NCAPD3: variants seen among roughly 807,000 people sequenced by gnomAD.
The protein encoded by NCAPD3 is non-SMC condensin II complex subunit D3.
Under a neutral mutation model 182.9 loss-of-function variants are expected in NCAPD3, and 105 were observed. That is an observed-to-expected ratio of 0.57 (90% CI 0.49 to 0.68). The LOEUF is 0.68. Ranked by LOEUF, NCAPD3 falls within the 30% of genes least tolerant of loss-of-function variation. NCAPD3 has a pLI of 0.00. For missense variants in NCAPD3, 1,944 were observed against 1,837.0 expected (o/e 1.06, Z -1.07); for synonymous variants, 815 against 679.9 (o/e 1.20, Z -3.09).
intron 13 of NCAPD3, 135 bp from the exon 14 acceptor site, chr11:134,194,873 G>T: frequency 1.9e-6 from 1 of 532,766 alleles, no homozygotes. Flanking sequence ...AGAAATGAGA[G>T]TGTGGAAAAA....
At chr11:134,183,151 G>A (rs753436087) in intron 19 of NCAPD3, 70 of 456,174 alleles carry the variant, frequency 1.5e-4, no homozygotes, top group Non-Finnish European at 2.3e-4. Context: ...TTTCCAACCA[G>A]TGCTGGTGAA....
intron 11 of NCAPD3, 106 bp downstream of exon 11, chr11:134,203,547 AT>A (rs1944791816): frequency 5.0e-6 from 7 of 1,393,386 alleles, no homozygotes; most frequent in Non-Finnish European, 6.8e-6. Context: ...GTAAAAATAG[AT>A]CATGCCATAC....
At chr11:134,163,721 AGTT>A (rs1381017116) in intron 27 of NCAPD3, among the ~76,000 whole-genome samples, 2 of 145,686 alleles carry the variant, frequency 1.4e-5, no homozygotes, top group Non-Finnish European at 3.0e-5. Context: ...AAAAAAAAAA[AGTT>A]AGCCAGGCAC....
intron 13 of NCAPD3, 74 bp downstream of exon 13, chr11:134,202,742 G>T: frequency 4.4e-6 from 5 of 1,143,398 alleles, no homozygotes; most frequent in South Asian, 1.6e-5. Context: ...AAAAATCCAA[G>T]GTTTTAGACT....
At chr11:134,156,318 G>A (rs958516920) in intron 32 of NCAPD3, among the ~76,000 whole-genome samples, 52 of 152,166 alleles carry the variant, frequency 3.4e-4, no homozygotes, top group African/African-American at 1.2e-3. Flanking sequence ...ACAGCCGGGC[G>A]CAGAGCGAGG....
At chr11:134,160,453 A>G (rs1370022854) in intron 28 of NCAPD3, among the ~76,000 whole-genome samples, 1 of 152,112 alleles carries the variant, frequency 6.6e-6, no homozygotes, top group East Asian at 1.9e-4. Flanking sequence ...CAATGGGAGA[A>G]AGACATGCTC....
chr11:134,199,120 A>G (rs930419723), intron 13 of NCAPD3, among the ~76,000 whole-genome samples: 2 of 152,192 alleles, frequency 1.3e-5, no homozygotes, highest in African/African-American at 2.4e-5. Context: ...CAAGGGACCC[A>G]GAATAGCCAA....
intron 27 of NCAPD3, among the ~76,000 whole-genome samples, chr11:134,164,715 C>T (rs1943709533): frequency 6.6e-6 from 1 of 150,478 alleles, no homozygotes; most frequent in Non-Finnish European, 1.5e-5. Flanking sequence ...GAGCTGTACA[C>T]TCACTTGCGA....
At chr11:134,207,921 T>TA (rs1276880088) in intron 7 of NCAPD3, among the ~76,000 whole-genome samples, 1 of 152,176 alleles carries the variant, frequency 6.6e-6, no homozygotes, top group Non-Finnish European at 1.5e-5. Context: ...ATACTAAACT[T>TA]ATAAAATACC....
intron 31 of NCAPD3, 121 bp downstream of exon 31, chr11:134,157,807 A>G: frequency 8.8e-7 from 1 of 1,130,664 alleles, no homozygotes; most frequent in Non-Finnish European, 1.2e-6. Context: ...TAAAAGCCCA[A>G]TTAACGTTAT....
At chr11:134,161,755 C>T (rs1392988254) in intron 28 of NCAPD3, 26 bp downstream of exon 28, 1 of 1,367,950 alleles carries the variant, frequency 7.3e-7, no homozygotes, top group East Asian at 2.3e-5. Flanking sequence ...GGACAACAAC[C>T]ACAAAAGCAC....
At position 134,185,355 on chromosome 11, in the gene NCAPD3, T is replaced by C. The variant is rs141929705; in HGVS notation, c.2217A>G (p.Gln739=). 3.2e-5 allele frequency: 52 copies of C among 1,606,732 alleles called. No homozygotes were observed. The African/African-American group carries it at 5.6e-4, about 17-fold the overall frequency. The part of the protein sequence containing the change: ...SPRLDYSRII[Q]SWEKISSQQN... ...CAAACCTGCTGATTTTCTCCCAAGA[T>C]TGTATTATTCTGCTGTAGTCCAGCC... Residue 739 remains glutamine, a synonymous_variant, in exon 17 of 35, where the codon CAA becomes CAG. Transcript: ENST00000534548.
At chr11:134,179,506 C>T (rs1317951415) in intron 20 of NCAPD3, among the ~76,000 whole-genome samples, 1 of 152,220 alleles carries the variant, frequency 6.6e-6, no homozygotes, top group Admixed American at 6.5e-5. Context: ...TGCACTATTC[C>T]AGTATCAATG....
At chr11:134,211,135 A>C (rs1181296809) in intron 3 of NCAPD3, among the ~76,000 whole-genome samples, 2 of 152,310 alleles carry the variant, frequency 1.3e-5, no homozygotes, top group East Asian at 1.9e-4. Context: ...GATCTTGTTA[A>C]ACACCTAGAG....
At chr11:134,165,009 G>A (rs890917125) in intron 27 of NCAPD3, among the ~76,000 whole-genome samples, 5 of 149,980 alleles carry the variant, frequency 3.3e-5, no homozygotes, top group African/African-American at 1.2e-4. Flanking sequence ...TAGGGAAGCT[G>A]CACACCCACT....
Position 134,150,769 on chromosome 11 carries a change from CAGAG to C in NCAPD3, c.*2171_*2174del, listed in dbSNP as rs1180788109. On this transcript the variant is annotated 3_prime_UTR_variant, in exon 35 of 35. Coordinates refer to ENST00000534548, the MANE Select transcript of NCAPD3 (RefSeq NM_015261.3). ...TGGATCCCACTGTTCCTCTTTGCCA[CAGAG>C]AAAGCACCCAGACGCCACAGGCTCT... 1.3e-5 allele frequency: 2 copies of C among 152,074 alleles called. No individual in the cohort carries two copies. Among genetic ancestry groups the C allele is most frequent in the Non-Finnish European group, 2.9e-5 (2 of 68,028 alleles). The allele number at this position is 152,074 out of a possible 1,614,324, so 9.4% of individuals were successfully genotyped here. A position where few individuals can be genotyped will look rare whatever the true frequency, so the allele number is the denominator to read the frequency against.
At chr11:134,199,843 C>T (rs146761649) in intron 13 of NCAPD3, among the ~76,000 whole-genome samples, 87 of 152,200 alleles carry the variant, frequency 5.7e-4, no homozygotes, top group African/African-American at 1.7e-3. Context: ...TAGAACGCAA[C>T]GGCAATCAAC....
At chr11:134,223,153 G>C (rs1276156811) in intron 1 of NCAPD3, 3 of 471,574 alleles carry the variant, frequency 6.4e-6, no homozygotes, top group Non-Finnish European at 7.7e-6. Flanking sequence ...AAACATTAAA[G>C]GTGTACAGGC....
At chr11:134,164,722 G>A (rs537925063) in intron 27 of NCAPD3, among the ~76,000 whole-genome samples, 76 of 150,472 alleles carry the variant, frequency 5.1e-4, no homozygotes, top group African/African-American at 1.6e-3. Flanking sequence ...ACACTCACTT[G>A]CGACATGAGT....
Sources: allele counts gnomAD v4.1 joint callset (sites outside exome capture counted in the v4.1 genomes callset), GRCh38; gene constraint gnomAD v4.1.1; transcripts MANE v1.5; gene names NCBI Gene and HGNC (gene_info 2026-07-23, HGNC 2026-07-21).